Variants in MTDH observed in about 807,000 individuals in gnomAD.
MTDH encodes the protein metadherin, also known as protein LYRIC.
In MTDH, 34 loss-of-function variants were observed where a neutral mutation model predicts 72.7. That is an observed-to-expected ratio of 0.47 (90% CI 0.36 to 0.62). MTDH has a LOEUF of 0.62. Among genes scored for constraint, MTDH ranks in the 20% least tolerant of loss-of-function variants. MTDH has a pLI of 0.00. For missense variants in MTDH, 677 were observed against 699.4 expected (o/e 0.97, Z 0.36); for synonymous variants, 266 against 268.9 (o/e 0.99, Z 0.10).
intron 2 of MTDH, among the ~76,000 whole-genome samples, chr8:97,668,797 C>T (rs1005427552): frequency 6.6e-6 from 1 of 152,068 alleles, no homozygotes; most frequent in African/African-American, 2.4e-5. Context: ...TCAAATGGCC[C>T]GCCCACCTCG....
At chr8:97,655,236 CT>C (rs1241174038) in intron 1 of MTDH, among the ~76,000 whole-genome samples, 1 of 152,144 alleles carries the variant, frequency 6.6e-6, no homozygotes, top group African/African-American at 2.4e-5. Flanking sequence ...TTGTTTTGTA[CT>C]TTACTATATG....
chr8:97,660,978 A>G (rs780122446), intron 1 of MTDH, 94 bp from the exon 2 acceptor site: 6 of 892,338 alleles, frequency 6.7e-6, no homozygotes, highest in Non-Finnish European at 1.0e-5. Flanking sequence ...CAGAGGTAGG[A>G]TTTGATTGTA....
intron 7 of MTDH, among the ~76,000 whole-genome samples, 195 bp downstream of exon 7, chr8:97,700,047 T>G (rs1814041255): frequency 6.6e-6 from 1 of 152,236 alleles, no homozygotes; most frequent in East Asian, 1.9e-4. Flanking sequence ...TTTTCGTAAT[T>G]GAGGCAATAT....
intron 1 of MTDH, among the ~76,000 whole-genome samples, chr8:97,652,040 A>G (rs752710032): frequency 6.6e-6 from 1 of 152,174 alleles, no homozygotes; most frequent in Non-Finnish European, 1.5e-5. Flanking sequence ...TATATATTCA[A>G]TCTGACTACT....
chr8:97,712,321 G>T (rs962003592), intron 8 of MTDH, among the ~76,000 whole-genome samples: 3 of 152,206 alleles, frequency 2.0e-5, no homozygotes, highest in African/African-American at 7.2e-5. Context: ...GCAGGCTTCA[G>T]CCACTGCTCC....
chr8:97,672,278 T>C (rs891150254), intron 2 of MTDH, among the ~76,000 whole-genome samples: 1 of 152,214 alleles, frequency 6.6e-6, no homozygotes, highest in Non-Finnish European at 1.5e-5. Flanking sequence ...GCCTAAAATA[T>C]TTACTGTCTG....
chr8:97,723,127 A>G (rs1815198871), intron 11 of MTDH, 92 bp downstream of exon 11: 14 of 1,347,726 alleles, frequency 1.0e-5, no homozygotes, highest in Middle Eastern at 2.0e-4. Context: ...GGCCAGGCGC[A>G]GTGGCTCACG....
intron 2 of MTDH, among the ~76,000 whole-genome samples, chr8:97,673,743 G>A (rs1812729287): frequency 1.3e-5 from 2 of 152,052 alleles, no homozygotes; most frequent in South Asian, 4.1e-4. Flanking sequence ...GGGAGGCCAA[G>A]GCGGGCAGAT....
chr8:97,668,391 A>G (rs1812474144), intron 2 of MTDH, among the ~76,000 whole-genome samples: 1 of 152,186 alleles, frequency 6.6e-6, no homozygotes, highest in African/African-American at 2.4e-5. Flanking sequence ...TAAAAGATTC[A>G]TGCACATTGC....
chr8:97,717,548 C>T (rs1002289680), intron 9 of MTDH, among the ~76,000 whole-genome samples: 1 of 152,096 alleles, frequency 6.6e-6, no homozygotes, highest in African/African-American at 2.4e-5. Context: ...TAGCCATCCT[C>T]CACCCTGTAC....
In MTDH at chr8:97,699,807, G is replaced by A. The variant is rs1379299677; in HGVS notation, c.1102G>A (p.Val368Ile). 2 of 1,613,444 alleles carry A rather than the reference G, an allele frequency of 1.2e-6. No individual in the cohort carries two copies. The highest frequency in any genetic ancestry group is 2.2e-5 in the East Asian group (1 of 44,772). ...TACCACTTCTGATTATCAGTGGGAT[G>A]TTAGCCGTAATCAACCCTATATCGA... ...QSTTSDYQWD[V>I]SRNQPYIDDE... The change falls in exon 7 of 12, where the codon GTT becomes ATT. Residue 368 changes from valine to isoleucine, a missense_variant. Physicochemically the swap from Val to Ile is conservative, Grantham distance 29. Coordinates refer to ENST00000336273, the MANE Select transcript of MTDH (RefSeq NM_178812.4).
At chr8:97,683,983 T>A (rs1250128898) in intron 2 of MTDH, among the ~76,000 whole-genome samples, 1 of 152,066 alleles carries the variant, frequency 6.6e-6, no homozygotes, top group African/African-American at 2.4e-5. Flanking sequence ...TGGTAGCGCA[T>A]GCCTGTAATC....
intron 2 of MTDH, among the ~76,000 whole-genome samples, chr8:97,663,210 C>T (rs921175496): frequency 1.3e-5 from 2 of 152,020 alleles, no homozygotes; most frequent in Non-Finnish European, 2.9e-5. Flanking sequence ...TGAGGAACTA[C>T]CATTAACCTC....
chr8:97,673,978 A>C (rs1812739172), intron 2 of MTDH, among the ~76,000 whole-genome samples: 7 of 151,946 alleles, frequency 4.6e-5, no homozygotes, highest in Admixed American at 4.6e-4. Context: ...CTATCTCAAA[A>C]ATCAGTTAAT....
In MTDH at chr8:97,677,836, G is replaced by A. The variant is rs140745827; in HGVS notation, c.484-8832G>A. On this transcript the variant is annotated intron_variant, in intron 2 of 11. Coordinates refer to ENST00000336273, the MANE Select transcript of MTDH (RefSeq NM_178812.4). The stretch of plus-strand genomic sequence containing the variant: ...TATTTATTTATGCATTATTCTATAT[G>A]ACAAAATTTTACTGAATTTAATTAT... 9.1e-3 allele frequency among the ~76,000 whole-genome samples: 1,387 copies of A among 152,124 alleles called. 8 individuals are homozygous for A. The highest frequency in any genetic ancestry group is 0.014 in the Non-Finnish European group (971 of 67,998).
intron 1 of MTDH, among the ~76,000 whole-genome samples, chr8:97,646,443 A>G (rs1811565910): frequency 6.6e-6 from 1 of 152,052 alleles, no homozygotes; most frequent in South Asian, 2.1e-4. Context: ...TGGTGAAAAT[A>G]GAGAACCTTG....
Position 97,683,189 on chromosome 8 carries a change from C to T in MTDH, c.484-3479C>T, listed in dbSNP as rs182526592. Among the ~76,000 whole-genome samples the T allele has an allele frequency of 3.6e-3, 543 of 150,258 alleles. 2 individuals carry two copies. The highest frequency in any genetic ancestry group is 6.8e-3 in the Middle Eastern group (2 of 292). On this transcript the variant is annotated intron_variant, in intron 2 of 11. Transcript: ENST00000336273. ...AAGCGATTCTACTGCCTCAGCCTCC[C>T]GAGTAGCTGGGACTACAGGCACGTG...
intron 2 of MTDH, among the ~76,000 whole-genome samples, chr8:97,685,154 T>C (rs1405904471): frequency 6.6e-6 from 1 of 151,380 alleles, no homozygotes; most frequent in Non-Finnish European, 1.5e-5. Flanking sequence ...AAAGGGTGAC[T>C]ATTATGGTAT....
chr8:97,722,418 A>G (rs1815165896), intron 10 of MTDH, among the ~76,000 whole-genome samples: 1 of 152,058 alleles, frequency 6.6e-6, no homozygotes, highest in Admixed American at 6.6e-5. Flanking sequence ...TGGCTAACAC[A>G]GTGAAACCTT....
Sources: allele counts gnomAD v4.1 joint callset (sites outside exome capture counted in the v4.1 genomes callset), GRCh38; gene constraint gnomAD v4.1.1; transcripts MANE v1.5; gene names NCBI Gene and HGNC (gene_info 2026-07-23, HGNC 2026-07-21).